CYP4F12: variants seen among roughly 807,000 people sequenced by gnomAD.
CYP4F12 encodes cytochrome P450 4F12.
In CYP4F12, 60 loss-of-function variants were observed where a neutral mutation model predicts 56.5. The ratio of observed to expected loss-of-function variants is 1.06; its 90% CI spans 0.86 to 1.32. The LOEUF (loss-of-function observed/expected upper bound fraction) is 1.32, where lower values mean the gene tolerates loss of function less well. CYP4F12 is among the 40% of genes most tolerant of loss of function. The pLI is 0.00. For synonymous variants in CYP4F12, 263 were observed against 264.9 expected, an observed-to-expected ratio of 0.99 and a Z score of 0.07; for missense variants, 711 against 683.5, an observed-to-expected ratio of 1.04 and a Z score of -0.45.
chr19:15,684,756 T>TG lies in CYP4F12; in HGVS notation c.919-60_919-59insG, dbSNP rs2007506081. 98 of 1,044,692 alleles carry TG rather than the reference T, an allele frequency of 9.4e-5. No homozygotes were observed. The South Asian group carries it at 1.3e-3, about 14-fold the overall frequency. 64.7% of individuals were successfully genotyped at this position (1,044,692 alleles called of 1,614,324 possible). ...TCCGGAGTCTCAGAGATAGTATAAT[T>TG]TGTGTGTGTGTGTGTGTGTGTGTGT... On this transcript the variant is annotated intron_variant, in intron 7 of 12. Coordinates refer to ENST00000550308, the MANE Select transcript of CYP4F12 (RefSeq NM_023944.4).
At position 15,684,792 on chromosome 19, in the gene CYP4F12, G is replaced by GTGTGTT. The variant is rs2007512784; in HGVS notation, c.919-19_919-18insTTGTGT. On this transcript the variant is annotated intron_variant, in intron 7 of 12. Transcript: ENST00000550308. ...TGTGTGTGTGTGTGTGTGTGTGTGT[G>GTGTGTT]TGTGTGTCTTGCTTTCTCTTCAGGA... 3.2e-6 allele frequency: 4 copies of GTGTGTT among 1,252,438 alleles called. No individual in the cohort carries two copies. In the Admixed American group the frequency reaches 5.4e-5, roughly 17 times the overall value. 77.6% of individuals were successfully genotyped at this position (1,252,438 alleles called of 1,614,324 possible). A position where few individuals can be genotyped will look rare whatever the true frequency, so the allele number is the denominator to read the frequency against.
intron 5 of CYP4F12, 115 bp downstream of exon 5, chr19:15,680,634 C>A: frequency 7.3e-7 from 1 of 1,366,974 alleles, no homozygotes; most frequent in Non-Finnish European, 1.0e-6. Context: ...CTCTTCCTCT[C>A]TGAGCCTTGG....
chr19:15,692,506 A>G (rs1169713907), intron 9 of CYP4F12, among the ~76,000 whole-genome samples: 1 of 152,170 alleles, frequency 6.6e-6, no homozygotes, highest in Non-Finnish European at 1.5e-5. Context: ...AACATAGTAT[A>G]TGCTAAAGAT....
intron 2 of CYP4F12, among the ~76,000 whole-genome samples, chr19:15,674,614 T>C (rs2006819310): frequency 1.2e-5 from 1 of 85,640 alleles, no homozygotes; most frequent in African/African-American, 4.9e-5. Flanking sequence ...CCTCTACCCA[T>C]TCACTTATTC....
At chr19:15,695,185 A>C (rs1239658859) in intron 9 of CYP4F12, among the ~76,000 whole-genome samples, 1 of 152,086 alleles carries the variant, frequency 6.6e-6, no homozygotes, top group African/African-American at 2.4e-5. Context: ...AAAAATGATG[A>C]GTTCATGTCC....
chr19:15,680,255 C>T lies in CYP4F12; in HGVS notation c.355C>T (p.Pro119Ser), dbSNP rs757950606. The T allele has an allele frequency of 1.2e-6, 2 of 1,605,412 alleles. No individual in the cohort carries two copies. Among genetic ancestry groups the T allele is most frequent in the Admixed American group, 3.4e-5 (2 of 59,504 alleles). Residue 119 changes from proline to serine, a missense_variant, in exon 4 of 13, where the codon CCC becomes TCC. Pro to Ser is a moderately conservative substitution (Grantham distance 74). Transcript: ENST00000550308. ...CTCGTTCATGTCAGCTGCCATTGCA[C>T]CCAAGGATAATCTCTTCATCAGGTT... The part of the protein sequence containing the change: ...SITNASAAIA[P>S]KDNLFIRFLK...
At chr19:15,695,878 G>C in intron 9 of CYP4F12, 58 bp from the exon 10 acceptor site, 1 of 1,555,408 alleles carries the variant, frequency 6.4e-7, no homozygotes, top group South Asian at 1.2e-5. Context: ...AAATAGAAAA[G>C]GTGGAGAGTT....
chr19:15,686,842 C>G (rs2007630513), intron 9 of CYP4F12, among the ~76,000 whole-genome samples: 1 of 152,206 alleles, frequency 6.6e-6, no homozygotes, highest in Non-Finnish European at 1.5e-5. Flanking sequence ...AGGCAATGGA[C>G]TGGACATGTG....
intron 2 of CYP4F12, among the ~76,000 whole-genome samples, chr19:15,677,294 A>G (rs1292561500): frequency 2.3e-4 from 1 of 4,422 alleles, no homozygotes; most frequent in African/African-American, 7.5e-4. Context: ...TCCTCACTCA[A>G]CTCATTCCTC....
intron 9 of CYP4F12, among the ~76,000 whole-genome samples, chr19:15,695,052 T>C (rs12104133): frequency 0.28 from 42,852 of 151,706 alleles, 6,561 homozygotes; most frequent in African/African-American, 0.4. Flanking sequence ...CACATGCACA[T>C]GTATGTTTAT....
At position 15,696,169 on chromosome 19, in the gene CYP4F12, T is replaced by C; in HGVS notation, c.1258T>C (p.Cys420Arg). 1 of 1,614,074 alleles carries C rather than the reference T, an allele frequency of 6.2e-7. No homozygotes were observed. The highest frequency in any genetic ancestry group is 8.5e-7 in the Non-Finnish European group (1 of 1,179,952). ...CCCTTTCTCTCCCACAGGCATTACC[T>C]GCCTCATCGATATTATAGGGGTCCA... ...DGRVIPKGIT[C>R]LIDIIGVHHN... The change falls in exon 11 of 13, where the codon TGC becomes CGC. Residue 420 changes from cysteine to arginine, a missense_variant. Transcript: ENST00000550308.
At chr19:15,691,105 T>C (rs1383314258) in intron 9 of CYP4F12, among the ~76,000 whole-genome samples, 1 of 152,312 alleles carries the variant, frequency 6.6e-6, no homozygotes, top group East Asian at 1.9e-4. Context: ...TCATTGGAGG[T>C]ATGGCCAATT....
In CYP4F12 at chr19:15,696,047, A is replaced by G; in HGVS notation, c.1227A>G (p.Pro409=). The G allele has an allele frequency of 6.2e-7, 1 of 1,613,838 alleles. No individual in the cohort carries two copies. Among genetic ancestry groups the G allele is most frequent in the Non-Finnish European group, 8.5e-7 (1 of 1,179,826 alleles). ...SRCCTQDIVL[P]DGRVIPKGIT... The stretch of plus-strand genomic sequence containing the variant: ...GCTGCACCCAGGACATTGTTCTCCC[A>G]GATGGCCGAGTCATCCCCAAAGGTG... Residue 409 remains proline, a synonymous_variant, in exon 10 of 13, where the codon CCA becomes CCG. Coordinates refer to ENST00000550308, the MANE Select transcript of CYP4F12 (RefSeq NM_023944.4).
chr19:15,691,252 T>G (rs2007854995), intron 9 of CYP4F12, among the ~76,000 whole-genome samples: 1 of 152,236 alleles, frequency 6.6e-6, no homozygotes, highest in Non-Finnish European at 1.5e-5. Context: ...TCCCCATCCA[T>G]GTATATTTGG....
At chr19:15,691,014 A>AT (rs538718726) in intron 9 of CYP4F12, among the ~76,000 whole-genome samples, 4 of 152,198 alleles carry the variant, frequency 2.6e-5, no homozygotes, top group African/African-American at 9.6e-5. Context: ...TCTGACAGAT[A>AT]TTTTTTCTGA....
At chr19:15,688,510 A>T (rs1388500876) in intron 9 of CYP4F12, among the ~76,000 whole-genome samples, 2 of 152,242 alleles carry the variant, frequency 1.3e-5, no homozygotes, top group African/African-American at 4.8e-5. Context: ...TGGAAGAATC[A>T]ATATTGTGAA....
chr19:15,678,578 T>A, intron 3 of CYP4F12, 173 bp downstream of exon 3: 1 of 880,950 alleles, frequency 1.1e-6, no homozygotes, highest in Non-Finnish European at 1.7e-6. Flanking sequence ...CCACTGGGGC[T>A]CCAAGAGGCC....
chr19:15,679,992 T>G (rs1359353907), intron 3 of CYP4F12, among the ~76,000 whole-genome samples: 2 of 152,192 alleles, frequency 1.3e-5, no homozygotes, highest in Admixed American at 6.5e-5. Context: ...CAGAACATGT[T>G]GGGATATATA....
rs1419084477 is a variant in CYP4F12, at chr19:15,678,114, C to T, written c.199-147C>T. 1.4e-5 allele frequency: 15 copies of T among 1,035,904 alleles called. No individual in the cohort carries two copies. In the Admixed American group the frequency reaches 3.1e-4, roughly 22 times the overall value. The allele number at this position is 1,035,904 out of a possible 1,614,324, so 64.2% of individuals were successfully genotyped here. ...TGCACTACTATTTCCATCCTGTTTA[C>T]CTTCAAATGCTAATCTCTTCTCAAA... On this transcript the variant is annotated intron_variant, in intron 2 of 12. Coordinates refer to ENST00000550308, the MANE Select transcript of CYP4F12 (RefSeq NM_023944.4).
Sources: gnomAD v4.1 joint callset for allele counts (sites outside exome capture counted in the v4.1 genomes callset) on GRCh38, gnomAD v4.1.1 for gene constraint, MANE v1.5 for transcripts, NCBI Gene and HGNC (gene_info 2026-07-23, HGNC 2026-07-21) for gene names.